XKR9: variants seen among roughly 807,000 people sequenced by gnomAD.
XKR9 encodes XK related 9, also known as XK-related protein 9.
Under a neutral mutation model 32.0 loss-of-function variants are expected in XKR9, and 32 were observed. The observed-to-expected ratio is 1.00, with a 90% CI of 0.76 to 1.34. The LOEUF (loss-of-function observed/expected upper bound fraction) is 1.34. Among genes scored for constraint, XKR9 ranks in the 40% most tolerant of loss-of-function variants. The pLI, the probability that XKR9 is intolerant of heterozygous loss-of-function variation, is 0.00. For synonymous variants in XKR9, 168 were observed against 143.4 expected (o/e 1.17, Z -1.22); for missense variants, 546 against 429.7 (o/e 1.27, Z -2.39).
chr8:70,849,943 C>T, the XKR9 span, among the ~76,000 whole-genome samples: 23 of 151,212 alleles, frequency 1.5e-4, no homozygotes, highest in Non-Finnish European at 2.2e-4. Flanking sequence ...TCGAATAGAC[C>T]GATAACAAGT....
At chr8:70,983,862 C>G in the XKR9 span, among the ~76,000 whole-genome samples, 2 of 150,956 alleles carry the variant, frequency 1.3e-5, no homozygotes, top group African/African-American at 4.9e-5. Context: ...TTTAATAAAT[C>G]AATTGAACTT....
chr8:70,811,543 G>A, the XKR9 span, among the ~76,000 whole-genome samples: 1 of 152,018 alleles, frequency 6.6e-6, no homozygotes, highest in Non-Finnish European at 1.5e-5. Flanking sequence ...TAGACTGGTA[G>A]CAAGACTAAT....
the XKR9 span, among the ~76,000 whole-genome samples, chr8:71,064,760 T>A: frequency 6.6e-6 from 1 of 152,166 alleles, no homozygotes; most frequent in African/African-American, 2.4e-5. Context: ...CTGTTTCCAT[T>A]CTATAGGGTT....
intron 2 of XKR9, among the ~76,000 whole-genome samples, chr8:70,742,702 T>A (rs2130166679): frequency 6.6e-6 from 1 of 152,284 alleles, no homozygotes; most frequent in Non-Finnish European, 1.5e-5. Context: ...TTCCTTCCTT[T>A]AAGTGTTTTA....
chr8:70,991,625 A>T, the XKR9 span, among the ~76,000 whole-genome samples: 5 of 152,304 alleles, frequency 3.3e-5, no homozygotes, highest in East Asian at 9.6e-4. Flanking sequence ...GTCAGTCCTG[A>T]AGCTCCAAGA....
At chr8:71,019,073 C>A in the XKR9 span, among the ~76,000 whole-genome samples, 1 of 152,062 alleles carries the variant, frequency 6.6e-6, no homozygotes, top group Admixed American at 6.6e-5. Context: ...CATCCACTTT[C>A]TAAAAATGAG....
chr8:70,917,374 A>G, the XKR9 span, among the ~76,000 whole-genome samples: 1 of 152,188 alleles, frequency 6.6e-6, no homozygotes, highest in Non-Finnish European at 1.5e-5. Flanking sequence ...GGTGGAATAT[A>G]AGCCACAGTA....
chr8:70,970,179 T>C, the XKR9 span, among the ~76,000 whole-genome samples: 1 of 152,256 alleles, frequency 6.6e-6, no homozygotes. Context: ...ATTTTTGCAA[T>C]TGCAAATTGT....
chr8:71,033,663 A>C, the XKR9 span, among the ~76,000 whole-genome samples: 1 of 152,156 alleles, frequency 6.6e-6, no homozygotes, highest in South Asian at 2.1e-4. Flanking sequence ...AGTTCCCAAG[A>C]GAGCAGGTCA....
At position 70,735,479 on chromosome 8, in the gene XKR9, A is replaced by T. The variant is rs1317975557; in HGVS notation, c.*1055A>T. ...ATTTTATATTATTATTATTATTATTATACTTTAAGGTTTAGGGTACATGTG... is the reference window on the plus strand; with the variant it reads ...ATTTTATATTATTATTATTATTATTTTACTTTAAGGTTTAGGGTACATGTG... On this transcript the variant is annotated 3_prime_UTR_variant, in exon 5 of 5. Coordinates refer to ENST00000408926, the MANE Select transcript of XKR9 (RefSeq NM_001011720.2). 1 of 150,452 alleles carries T rather than the reference A, an allele frequency of 6.6e-6. No homozygotes were observed. The highest frequency in any genetic ancestry group is 1.5e-5 in the Non-Finnish European group (1 of 67,690). The allele number at this position is 150,452 out of a possible 1,614,324, so 9.3% of individuals were successfully genotyped here.
At chr8:71,035,643 A>C in the XKR9 span, among the ~76,000 whole-genome samples, 173 of 152,330 alleles carry the variant, frequency 1.1e-3, 2 homozygotes, top group Non-Finnish European at 2.1e-3. Flanking sequence ...GACACAAGTA[A>C]GGGCTCAGTA....
the XKR9 span, among the ~76,000 whole-genome samples, chr8:70,975,715 G>T: frequency 3.3e-5 from 5 of 152,262 alleles, no homozygotes; most frequent in South Asian, 6.2e-4. Context: ...GGATTGTCTT[G>T]GCAATGCAGT....
At chr8:70,699,276 C>G (rs936411621) in intron 3 of XKR9, among the ~76,000 whole-genome samples, 1 of 152,148 alleles carries the variant, frequency 6.6e-6, no homozygotes, top group Non-Finnish European at 1.5e-5. Context: ...TCTTCCTAGC[C>G]TCGATGGTCT....
the XKR9 span, among the ~76,000 whole-genome samples, chr8:70,973,789 T>G: frequency 6.6e-6 from 1 of 152,156 alleles, no homozygotes; most frequent in Non-Finnish European, 1.5e-5. Context: ...CCCTTTGGAG[T>G]TGATTTCCAA....
chr8:70,866,601 A>AT, the XKR9 span, among the ~76,000 whole-genome samples: 212 of 146,822 alleles, frequency 1.4e-3, no homozygotes, highest in East Asian at 2.6e-3. Context: ...AACTAATGGA[A>AT]TTTTTTTTTT....
At chr8:70,879,775 C>T in the XKR9 span, among the ~76,000 whole-genome samples, 52 of 151,676 alleles carry the variant, frequency 3.4e-4, no homozygotes, top group African/African-American at 1.1e-3. Context: ...ACTCATTTTA[C>T]GAGGCCAACG....
chr8:70,746,425 A>G (rs1288822165), intron 2 of XKR9, among the ~76,000 whole-genome samples: 1 of 147,932 alleles, frequency 6.8e-6, no homozygotes, highest in Non-Finnish European at 1.5e-5. Context: ...TATTGTATAT[A>G]TGATATATAG....
chr8:70,822,452 T>C, the XKR9 span, among the ~76,000 whole-genome samples: 1 of 151,872 alleles, frequency 6.6e-6, no homozygotes, highest in Admixed American at 6.6e-5. Flanking sequence ...AAGATGGACT[T>C]TTTTCTTTGT....
chr8:70,888,997 G>A, the XKR9 span, among the ~76,000 whole-genome samples: 1 of 151,786 alleles, frequency 6.6e-6, no homozygotes, highest in Non-Finnish European at 1.5e-5. Flanking sequence ...AATGTTATTG[G>A]TATTTGCATA....
Sources: gnomAD v4.1 joint callset for allele counts (sites outside exome capture counted in the v4.1 genomes callset) on GRCh38, gnomAD v4.1.1 for gene constraint, MANE v1.5 for transcripts, NCBI Gene and HGNC (gene_info 2026-07-23, HGNC 2026-07-21) for gene names.